PM20D2: variants seen among roughly 807,000 people sequenced by gnomAD.
The protein encoded by PM20D2 is peptidase M20 domain containing 2, also known as xaa-Arg dipeptidase.
In PM20D2, 33 loss-of-function variants were observed where a neutral mutation model predicts 42.9. The observed-to-expected ratio is 0.77, with a 90% confidence interval of 0.58 to 1.03. The LOEUF is 1.03. PM20D2 is among the 50% of genes least tolerant of loss of function. The pLI is 0.00. For missense variants in PM20D2, 548 were observed against 557.0 expected (o/e 0.98, Z 0.16); for synonymous variants, 250 against 228.2 (o/e 1.10, Z -0.86).
Position 89,162,089 on chromosome 6 carries a change from T to C in PM20D2, c.1157-20T>C. 2 of 1,592,944 alleles carry C rather than the reference T, an allele frequency of 1.3e-6. No individual in the cohort carries two copies. The highest frequency in any genetic ancestry group is 1.7e-6 in the Non-Finnish European group (2 of 1,172,534). ...CAGCTTAAATAAGTAAGGAGGTATT[T>C]TATTTTCTCTACCTTTTAGGGTCAC... On this transcript the variant is annotated intron_variant, in intron 6 of 6. Coordinates refer to ENST00000275072, the MANE Select transcript of PM20D2 (RefSeq NM_001010853.3).
At chr6:89,125,363 C>T in the PM20D2 span, among the ~76,000 whole-genome samples, 96,506 of 151,654 alleles carry the variant, frequency 0.64, 31,714 homozygotes, top group South Asian at 0.76. Flanking sequence ...GCCTGTAGTC[C>T]CAGCTACTCA....
At chr6:89,121,274 C>CT in the PM20D2 span, among the ~76,000 whole-genome samples, 26,056 of 151,980 alleles carry the variant, frequency 0.17, 3,018 homozygotes, top group Non-Finnish European at 0.25. Context: ...AACGTATGTT[C>CT]TTTTTTCCAG....
chr6:89,122,639 G>A, the PM20D2 span, among the ~76,000 whole-genome samples: 2 of 152,110 alleles, frequency 1.3e-5, no homozygotes, highest in African/African-American at 4.8e-5. Context: ...TGTCATAGTG[G>A]ATAACTAGAA....
chr6:89,155,707 CTGTT>C (rs963265894), intron 4 of PM20D2, among the ~76,000 whole-genome samples: 35 of 151,414 alleles, frequency 2.3e-4, no homozygotes, highest in African/African-American at 6.8e-4. Context: ...TGATTTGTTT[CTGTT>C]TGTTTGTTTG....
the PM20D2 span, among the ~76,000 whole-genome samples, chr6:89,123,913 T>C: frequency 6.6e-6 from 1 of 152,032 alleles, no homozygotes; most frequent in Non-Finnish European, 1.5e-5. Flanking sequence ...GGAGTGTGCC[T>C]GTAGTCCCAG....
the PM20D2 span, among the ~76,000 whole-genome samples, chr6:89,125,269 A>G: frequency 2.0e-5 from 3 of 152,154 alleles, no homozygotes; most frequent in African/African-American, 7.2e-5. Context: ...TCACGAGGTC[A>G]GGAGATCGAG....
At position 89,165,552 on chromosome 6, in the gene PM20D2, A is replaced by G. The variant is rs1427852636; in HGVS notation, c.*3289A>G. 2.0e-5 allele frequency: 3 copies of G among 152,188 alleles called. No individual in the cohort carries two copies. The highest frequency in any genetic ancestry group is 2.9e-5 in the Non-Finnish European group (2 of 68,016). The allele number at this position is 152,188 out of a possible 1,614,324, so 9.4% of individuals were successfully genotyped here. A position where few individuals can be genotyped will look rare whatever the true frequency, so the allele number is the denominator to read the frequency against. ...TGTGTATGAAAAATCTACAATAAACATGTTTATCTGATAGCAATTGTCTTG... is the reference window on the plus strand; with the variant it reads ...TGTGTATGAAAAATCTACAATAAACGTGTTTATCTGATAGCAATTGTCTTG... On this transcript the variant is annotated 3_prime_UTR_variant, in exon 7 of 7. Coordinates refer to ENST00000275072, the MANE Select transcript of PM20D2 (RefSeq NM_001010853.3).
At position 89,162,654 on chromosome 6, in the gene PM20D2, A is replaced by G. The variant is rs1279789516; in HGVS notation, c.*391A>G. 2.5e-5 allele frequency: 4 copies of G among 159,718 alleles called. No individual in the cohort carries two copies. Among genetic ancestry groups the G allele is most frequent in the African/African-American group, 9.6e-5 (4 of 41,558 alleles). The allele number at this position is 159,718 out of a possible 1,614,324, so 9.9% of individuals were successfully genotyped here. Reference sequence around the variant, plus strand: ...ATTTTTAAAAGCTTAAGAGATTTCAAACCTTATATTCAGAATTGACACCCA... The same window carrying G: ...ATTTTTAAAAGCTTAAGAGATTTCAGACCTTATATTCAGAATTGACACCCA... On this transcript the variant is annotated 3_prime_UTR_variant, in exon 7 of 7. Transcript: ENST00000275072.
At chr6:89,132,115 G>A in the PM20D2 span, among the ~76,000 whole-genome samples, 1 of 152,102 alleles carries the variant, frequency 6.6e-6, no homozygotes, top group South Asian at 2.1e-4. Context: ...TCCTGAAGGA[G>A]GAAATAAGTT....
chr6:89,117,686 C>A, the PM20D2 span: 1 of 827,178 alleles, frequency 1.2e-6, no homozygotes, highest in Middle Eastern at 3.9e-4. Flanking sequence ...CACACCTCCC[C>A]AAGTGGCGCA....
the PM20D2 span, among the ~76,000 whole-genome samples, chr6:89,114,018 G>A: frequency 6.6e-6 from 1 of 152,144 alleles, no homozygotes; most frequent in Non-Finnish European, 1.5e-5. Context: ...TGTACTAAAA[G>A]GTTAATACAG....
At chr6:89,133,243 A>G in the PM20D2 span, among the ~76,000 whole-genome samples, 3 of 151,074 alleles carry the variant, frequency 2.0e-5, no homozygotes, top group Non-Finnish European at 2.9e-5. Flanking sequence ...AAATAAAATA[A>G]AATAAGATAA....
chr6:89,103,616 C>G, the PM20D2 span, among the ~76,000 whole-genome samples: 1 of 152,284 alleles, frequency 6.6e-6, no homozygotes, highest in East Asian at 1.9e-4. Flanking sequence ...CAGGCGTAAG[C>G]CACTGCGCCT....
the PM20D2 span, among the ~76,000 whole-genome samples, chr6:89,110,795 C>T: frequency 4.3e-4 from 65 of 152,170 alleles, no homozygotes; most frequent in African/African-American, 1.5e-3. Flanking sequence ...GCCCAACCAA[C>T]TTACATTTCC....
the PM20D2 span, among the ~76,000 whole-genome samples, chr6:89,102,604 G>A: frequency 4.6e-5 from 7 of 151,924 alleles, no homozygotes; most frequent in Non-Finnish European, 8.8e-5. Context: ...AGTAAAAGAA[G>A]GACGCTATAA....
Position 89,162,656 on chromosome 6 carries a change from C to A in PM20D2, c.*393C>A, listed in dbSNP as rs564211195. On this transcript the variant is annotated 3_prime_UTR_variant, in exon 7 of 7. Coordinates refer to ENST00000275072, the MANE Select transcript of PM20D2 (RefSeq NM_001010853.3). ...TTTTAAAAGCTTAAGAGATTTCAAA[C>A]CTTATATTCAGAATTGACACCCATG... The A allele has an allele frequency of 6.3e-6, 1 of 158,880 alleles. No homozygotes were observed. Among genetic ancestry groups the A allele is most frequent in the Admixed American group, 6.2e-5 (1 of 16,068 alleles). The allele number at this position is 158,880 out of a possible 1,614,324, so 9.8% of individuals were successfully genotyped here.
At chr6:89,130,274 T>C in the PM20D2 span, among the ~76,000 whole-genome samples, 191 of 152,114 alleles carry the variant, frequency 1.3e-3, 1 homozygote, top group Admixed American at 8.4e-3. Context: ...TTATTTTATT[T>C]CATTAGTAGA....
rs114697580 is a variant in PM20D2, at chr6:89,156,192, G to T, written c.912+1290G>T. Among the ~76,000 whole-genome samples, 1,064 of 152,150 alleles carry T rather than the reference G, an allele frequency of 7.0e-3. 13 individuals carry two copies. The highest frequency in any genetic ancestry group is 0.024 in the African/African-American group (988 of 41,506). ...AGCCACCACACTGACTGGTTTTGTT[G>T]ATTTGAACTATAAAGTTAGTATTTA... On this transcript the variant is annotated intron_variant, in intron 4 of 6. Transcript: ENST00000275072.
At chr6:89,149,580 A>G (rs1357171530) in intron 2 of PM20D2, among the ~76,000 whole-genome samples, 167 bp downstream of exon 2, 1 of 152,250 alleles carries the variant, frequency 6.6e-6, no homozygotes, top group Non-Finnish European at 1.5e-5. Context: ...AGCCTCTTCT[A>G]ATTGAGATTC....
Sources: allele counts gnomAD v4.1 joint callset (sites outside exome capture counted in the v4.1 genomes callset), GRCh38; gene constraint gnomAD v4.1.1; transcripts MANE v1.5; gene names NCBI Gene and HGNC (gene_info 2026-07-23, HGNC 2026-07-21).